TNS3: variants seen among roughly 807,000 people sequenced by gnomAD.
TNS3 encodes tensin 3.
In TNS3, 45 loss-of-function variants were observed where a neutral mutation model predicts 140.9. The ratio of observed to expected loss-of-function variants is 0.32; its 90% CI spans 0.25 to 0.41. TNS3 has a LOEUF of 0.41. Among genes scored for constraint, TNS3 ranks in the 10% least tolerant of loss-of-function variants. The pLI, the probability that TNS3 is intolerant of heterozygous loss-of-function variation, is 1.00. For missense variants in TNS3, 1,716 were observed against 1,906.7 expected, an observed-to-expected ratio of 0.90 and a Z score of 1.86; for synonymous variants, 815 against 788.4, an observed-to-expected ratio of 1.03 and a Z score of -0.56.
chr7:47,385,520 T>C (rs1792026090), intron 16 of TNS3, among the ~76,000 whole-genome samples: 1 of 152,272 alleles, frequency 6.6e-6, no homozygotes, highest in Non-Finnish European at 1.5e-5. Flanking sequence ...GGAGACTGCA[T>C]CCTGGATCCT....
chr7:47,340,025 A>C (rs1431808822), intron 20 of TNS3, among the ~76,000 whole-genome samples: 3 of 143,586 alleles, frequency 2.1e-5, no homozygotes, highest in Non-Finnish European at 4.5e-5. Context: ...CTTTTCATAA[A>C]TATATGTATA....
intron 3 of TNS3, among the ~76,000 whole-genome samples, chr7:47,485,330 C>A (rs936240726): frequency 7.9e-5 from 12 of 152,226 alleles, no homozygotes; most frequent in Non-Finnish European, 1.8e-4. Flanking sequence ...GTAGGTCTTT[C>A]TCTGTAGCCC....
chr7:47,549,119 AGACAGGAAT>A (rs778807862), intron 1 of TNS3, among the ~76,000 whole-genome samples: 1 of 152,218 alleles, frequency 6.6e-6, no homozygotes, highest in Non-Finnish European at 1.5e-5. Flanking sequence ...GAGCTTCTTA[AGACAGGAAT>A]CAGGACATGA....
chr7:47,419,733 C>A (rs915633277), intron 10 of TNS3, among the ~76,000 whole-genome samples: 33 of 152,130 alleles, frequency 2.2e-4, no homozygotes, highest in Admixed American at 1.5e-3. Context: ...GATGTCTATT[C>A]AGGCTTTTGC....
intron 27 of TNS3, among the ~76,000 whole-genome samples, chr7:47,291,127 T>C (rs145279628): frequency 1.3e-3 from 196 of 152,234 alleles, no homozygotes; most frequent in Non-Finnish European, 2.2e-3. Context: ...ACTGGAAAAG[T>C]TGAAAATATG....
intron 1 of TNS3, among the ~76,000 whole-genome samples, chr7:47,536,652 G>A (rs1223124658): frequency 6.6e-6 from 1 of 152,190 alleles, no homozygotes; most frequent in Non-Finnish European, 1.5e-5. Flanking sequence ...AGCTAAGCCT[G>A]AACCCTCTTC....
At chr7:47,480,065 G>A (rs1286583605) in intron 4 of TNS3, among the ~76,000 whole-genome samples, 4 of 152,190 alleles carry the variant, frequency 2.6e-5, no homozygotes, top group Admixed American at 2.6e-4. Context: ...GCTGCCACAC[G>A]GGCGCCGCTG....
intron 17 of TNS3, among the ~76,000 whole-genome samples, chr7:47,347,051 T>A (rs962538154): frequency 1.3e-5 from 2 of 152,142 alleles, no homozygotes; most frequent in African/African-American, 2.4e-5. Context: ...GGGATTCTTA[T>A]CATTTGGCAG....
Position 47,489,217 on chromosome 7 carries a change from G to A in TNS3, c.-114-8076C>T, listed in dbSNP as rs376810471. On this transcript the variant is annotated intron_variant, in intron 3 of 30. Transcript: ENST00000311160. ...GCCTGCGGGCTGAGAACCGGGACAG[G>A]AGCGGAAGAGAAAGAGAAGGAAAAT... 1.3e-3 allele frequency among the ~76,000 whole-genome samples: 197 copies of A among 152,296 alleles called. 11 individuals are homozygous for A. In the South Asian group the frequency reaches 0.04, roughly 31 times the overall value.
intron 4 of TNS3, among the ~76,000 whole-genome samples, chr7:47,463,419 G>A (rs1796571235): frequency 1.3e-5 from 2 of 152,162 alleles, no homozygotes; most frequent in Non-Finnish European, 2.9e-5. Context: ...ACTCCGGCCT[G>A]GGTGACAAAG....
intron 1 of TNS3, among the ~76,000 whole-genome samples, chr7:47,542,371 G>A (rs1261595345): frequency 2.6e-5 from 4 of 152,146 alleles, no homozygotes; most frequent in Admixed American, 6.5e-5. Flanking sequence ...GACAACCCAA[G>A]TGAGGGGTGG....
chr7:47,336,753 T>A (rs960736085), intron 20 of TNS3, among the ~76,000 whole-genome samples: 8 of 152,014 alleles, frequency 5.3e-5, no homozygotes, highest in Non-Finnish European at 1.0e-4. Flanking sequence ...CCCATAAAAA[T>A]AAAAAATAGA....
intron 1 of TNS3, among the ~76,000 whole-genome samples, chr7:47,567,389 A>T (rs1490096833): frequency 6.6e-6 from 1 of 152,178 alleles, no homozygotes; most frequent in East Asian, 1.9e-4. Flanking sequence ...ATTCACAATC[A>T]CTTTAAGACG....
intron 13 of TNS3, among the ~76,000 whole-genome samples, chr7:47,409,213 G>C (rs1413840197): frequency 2.0e-5 from 3 of 152,050 alleles, no homozygotes; most frequent in Non-Finnish European, 4.4e-5. Flanking sequence ...GAAGGAAGGA[G>C]GAGGAGGTAG....
intron 20 of TNS3, among the ~76,000 whole-genome samples, chr7:47,333,092 C>T (rs1788433410): frequency 6.6e-6 from 1 of 152,040 alleles, no homozygotes; most frequent in Non-Finnish European, 1.5e-5. Flanking sequence ...GGTGTCAGCA[C>T]AGAAAGCCAA....
Position 47,346,235 on chromosome 7 carries a change from G to T in TNS3, c.2403C>A (p.Asp801Glu). The T allele has an allele frequency of 6.2e-7, 1 of 1,614,198 alleles. No homozygotes were observed. The highest frequency in any genetic ancestry group is 8.5e-7 in the Non-Finnish European group (1 of 1,180,038). Residue 801 changes from aspartate to glutamate, a missense_variant, in exon 18 of 31, where the codon GAC (aspartate) becomes GAA (glutamate). Physicochemically the swap from Asp to Glu is conservative, Grantham distance 45 (BLOSUM62 2). Around this residue, in one of 3 missense-constraint regions of TNS3, gnomAD observed 1,163 missense variants for 1,182.1 expected, o/e 0.98. Coordinates refer to ENST00000311160, the MANE Select transcript of TNS3 (RefSeq NM_022748.12). ...GGAATGGCGGCAGGTTTGGGGCATA[G>T]TCCACACCAGCCTTTCCCCATGCAC... ...SKCAWGKAGV[D>E]YAPNLPPFPS...
chr7:47,391,995 T>C (rs972805463), intron 16 of TNS3, among the ~76,000 whole-genome samples: 1 of 152,228 alleles, frequency 6.6e-6, no homozygotes, highest in Non-Finnish European at 1.5e-5. Context: ...CCAGGGTCCC[T>C]GGCCAGTTAC....
intron 2 of TNS3, among the ~76,000 whole-genome samples, chr7:47,518,397 C>T (rs1236576488): frequency 6.6e-6 from 1 of 152,184 alleles, no homozygotes; most frequent in Non-Finnish European, 1.5e-5. Flanking sequence ...TCCTCACCTC[C>T]CCACGCCAGA....
At chr7:47,387,584 C>A (rs1792150310) in intron 16 of TNS3, among the ~76,000 whole-genome samples, 1 of 152,220 alleles carries the variant, frequency 6.6e-6, no homozygotes, top group South Asian at 2.1e-4. Context: ...CCCAGCTGCA[C>A]CTTTTGTATG....
Sources: gnomAD v4.1 joint callset for allele counts (sites outside exome capture counted in the v4.1 genomes callset) on GRCh38, gnomAD v4.1.1 for gene constraint, gnomAD v4.1.1 regional missense constraint, MANE v1.5 for transcripts, NCBI Gene and HGNC (gene_info 2026-07-23, HGNC 2026-07-21) for gene names.